The following CCBE1 variants were observed in gnomAD, a reference collection of about 807,000 sequenced individuals.
The protein encoded by CCBE1 is collagen and calcium binding EGF domains 1, also known as collagen and calcium-binding EGF domain-containing protein 1.
CCBE1 carries 37 observed loss-of-function variants against 50.0 expected under a neutral mutation model. The observed-to-expected ratio is 0.74, with a 90% CI of 0.57 to 0.97. The LOEUF is 0.97. Ranked by LOEUF, CCBE1 falls within the 50% of genes least tolerant of loss-of-function variation. The probability of loss-of-function intolerance (pLI) is 0.00; values close to 1 mark genes in which losing one functional copy is unlikely to be tolerated. For synonymous variants in CCBE1, 234 were observed against 203.7 expected (o/e 1.15, Z -1.27); for missense variants, 538 against 523.8 (o/e 1.03, Z -0.26).
At chr18:59,621,931 A>G (rs532414386) in intron 2 of CCBE1, among the ~76,000 whole-genome samples, 73 of 152,318 alleles carry the variant, frequency 4.8e-4, no homozygotes, top group Middle Eastern at 3.4e-3. Context: ...GACAGAGGCC[A>G]GCCATGGACT....
In CCBE1 at chr18:59,551,948, G is replaced by C. The variant is rs114314524; in HGVS notation, c.213-71710C>G. Among the ~76,000 whole-genome samples, 1,218 of 152,292 alleles carry C rather than the reference G, an allele frequency of 8.0e-3. 15 individuals are homozygous for C. The highest frequency in any genetic ancestry group is 0.027 in the African/African-American group (1,138 of 41,552). On this transcript the variant is annotated intron_variant, in intron 2 of 10. Transcript: ENST00000439986. ...GGCTGAAAACCAGCACCCATTATTT[G>C]CTCATTGCACTCCATGTGGCCTAAG...
intron 2 of CCBE1, among the ~76,000 whole-genome samples, chr18:59,647,055 A>G (rs1194530282): frequency 6.6e-6 from 1 of 152,242 alleles, no homozygotes; most frequent in African/African-American, 2.4e-5. Flanking sequence ...GATGTTATCT[A>G]ATAATAGAAA....
chr18:59,456,021 A>G (rs1034695574), intron 5 of CCBE1, among the ~76,000 whole-genome samples: 6 of 152,130 alleles, frequency 3.9e-5, no homozygotes, highest in African/African-American at 1.4e-4. Flanking sequence ...CTCTTCTGCA[A>G]AGCCCTCTGT....
At chr18:59,631,605 C>T (rs2053849314) in intron 2 of CCBE1, among the ~76,000 whole-genome samples, 1 of 152,220 alleles carries the variant, frequency 6.6e-6, no homozygotes, top group Admixed American at 6.5e-5. Context: ...TCACACCATG[C>T]AGGTTGTAGA....
intron 2 of CCBE1, among the ~76,000 whole-genome samples, chr18:59,609,948 A>G (rs1172683570): frequency 2.0e-5 from 3 of 152,208 alleles, no homozygotes. Context: ...TATTCATGCA[A>G]TGGGATATGA....
chr18:59,608,428 G>C (rs2053529279), intron 2 of CCBE1, among the ~76,000 whole-genome samples: 1 of 152,152 alleles, frequency 6.6e-6, no homozygotes, highest in African/African-American at 2.4e-5. Flanking sequence ...AAATGATTTA[G>C]TGTTATTCCT....
intron 2 of CCBE1, among the ~76,000 whole-genome samples, chr18:59,653,226 C>T (rs1375693434): frequency 6.6e-6 from 1 of 152,208 alleles, no homozygotes; most frequent in Admixed American, 6.5e-5. Context: ...TCCCAGAGAG[C>T]TGGCAAATAT....
At chr18:59,458,639 T>G (rs117980273) in intron 5 of CCBE1, among the ~76,000 whole-genome samples, 3,034 of 152,340 alleles carry the variant, frequency 0.02, 41 homozygotes, top group Non-Finnish European at 0.029. Context: ...TTCAGATTGC[T>G]GTGCGAAGAG....
intron 6 of CCBE1, 124 bp from the exon 7 acceptor site, chr18:59,448,227 TAG>T: frequency 7.3e-7 from 1 of 1,370,762 alleles, no homozygotes; most frequent in South Asian, 1.3e-5. Flanking sequence ...TTACTAGAGC[TAG>T]TTAGAGCTCA....
intron 2 of CCBE1, among the ~76,000 whole-genome samples, chr18:59,514,347 C>T (rs1053317302): frequency 1.3e-5 from 2 of 152,092 alleles, no homozygotes; most frequent in African/African-American, 2.4e-5. Context: ...TGACACGGCT[C>T]CTCCATCCGC....
At chr18:59,647,926 T>C (rs1481264507) in intron 2 of CCBE1, among the ~76,000 whole-genome samples, 1 of 152,202 alleles carries the variant, frequency 6.6e-6, no homozygotes, top group Non-Finnish European at 1.5e-5. Flanking sequence ...ACTAGATTAT[T>C]CCCCGAAACT....
intron 2 of CCBE1, among the ~76,000 whole-genome samples, chr18:59,679,097 T>TTTTTA: frequency 6.6e-6 from 1 of 152,312 alleles, no homozygotes; most frequent in South Asian, 2.1e-4. Context: ...GGTGAAGTAA[T>TTTTTA]TTTTATTTAA....
At chr18:59,458,119 T>TA (rs1055369160) in intron 5 of CCBE1, among the ~76,000 whole-genome samples, 3 of 52,404 alleles carry the variant, frequency 5.7e-5, no homozygotes, top group African/African-American at 1.4e-4. Context: ...AGTCTGTCCA[T>TA]CAATCCATCC....
At chr18:59,537,106 T>A (rs569745092) in intron 2 of CCBE1, among the ~76,000 whole-genome samples, 1 of 152,272 alleles carries the variant, frequency 6.6e-6, no homozygotes, top group Admixed American at 6.5e-5. Context: ...CCTCTGATCT[T>A]ATCAGCTAAA....
chr18:59,533,167 A>T (rs1468285970), intron 2 of CCBE1, among the ~76,000 whole-genome samples: 1 of 152,226 alleles, frequency 6.6e-6, no homozygotes, highest in Non-Finnish European at 1.5e-5. Context: ...AACAAAACAA[A>T]GTAGATCGCA....
intron 2 of CCBE1, among the ~76,000 whole-genome samples, chr18:59,622,947 C>A (rs942986909): frequency 6.2e-4 from 94 of 152,068 alleles, no homozygotes; most frequent in African/African-American, 2.2e-3. Context: ...AAATACATGT[C>A]ATGATACATT....
At chr18:59,466,344 G>C (rs141122827) in intron 5 of CCBE1, among the ~76,000 whole-genome samples, 2 of 152,006 alleles carry the variant, frequency 1.3e-5, no homozygotes, top group Middle Eastern at 3.4e-3. Context: ...TCCGGTACAC[G>C]TTCTCTTGCC....
intron 2 of CCBE1, among the ~76,000 whole-genome samples, chr18:59,628,741 C>T (rs1418224760): frequency 1.3e-5 from 2 of 152,180 alleles, no homozygotes; most frequent in Non-Finnish European, 2.9e-5. Flanking sequence ...TGTCCAAGTG[C>T]CAGTCCTTCC....
At chr18:59,565,861 G>A (rs2052817001) in intron 2 of CCBE1, among the ~76,000 whole-genome samples, 1 of 151,726 alleles carries the variant, frequency 6.6e-6, no homozygotes, top group Admixed American at 6.6e-5. Flanking sequence ...AAAATCGAAT[G>A]CAAAACTCAA....
Sources: gnomAD v4.1 joint callset for allele counts (sites outside exome capture counted in the v4.1 genomes callset) on GRCh38, gnomAD v4.1.1 for gene constraint, MANE v1.5 for transcripts, NCBI Gene and HGNC (gene_info 2026-07-23, HGNC 2026-07-21) for gene names.